SEMA3A: variants seen among roughly 807,000 people sequenced by gnomAD.
The protein encoded by SEMA3A is semaphorin 3A.
A neutral mutation model predicts 97.9 loss-of-function variants in SEMA3A; 29 were observed. That is an observed-to-expected ratio of 0.30 (90% CI 0.22 to 0.40). SEMA3A has a LOEUF of 0.40. Among genes scored for constraint, SEMA3A ranks in the 10% least tolerant of loss-of-function variants. The pLI, the probability that SEMA3A is intolerant of heterozygous loss-of-function variation, is 1.00. For missense variants in SEMA3A, 763 were observed against 951.3 expected (o/e 0.80, Z 2.60); for synonymous variants, 321 against 323.7 (o/e 0.99, Z 0.09).
chr7:84,476,636 AATAAG>A (rs1468900418), intron 1 of SEMA3A, among the ~76,000 whole-genome samples: 3 of 152,154 alleles, frequency 2.0e-5, no homozygotes, highest in Non-Finnish European at 2.9e-5. Context: ...TACCTAGAAA[AATAAG>A]ATATTAAAAT....
At chr7:84,007,624 T>C (rs964564934) in intron 9 of SEMA3A, 127 bp from the exon 10 acceptor site, 10 of 851,052 alleles carry the variant, frequency 1.2e-5, no homozygotes, top group Middle Eastern at 3.9e-4. Context: ...TTAGCAATAA[T>C]GTTTGGGATT....
At chr7:84,423,718 G>A (rs1328509540) in intron 1 of SEMA3A, among the ~76,000 whole-genome samples, 1 of 151,868 alleles carries the variant, frequency 6.6e-6, no homozygotes, top group African/African-American at 2.4e-5. Flanking sequence ...CTAGTTAGCA[G>A]AAAATGTATT....
upstream of SEMA3A, among the ~76,000 whole-genome samples, chr7:84,195,639 G>A (rs1316437080): frequency 2.6e-5 from 4 of 152,032 alleles, no homozygotes; most frequent in Non-Finnish European, 5.9e-5. Context: ...GGTCCTTTGA[G>A]AATTATAAAT....
chr7:84,450,201 A>G (rs1265829590), intron 1 of SEMA3A, among the ~76,000 whole-genome samples: 2 of 152,120 alleles, frequency 1.3e-5, no homozygotes, highest in Non-Finnish European at 2.9e-5. Flanking sequence ...AACAGAGTAC[A>G]AGGGTCCAAT....
intron 2 of SEMA3A, among the ~76,000 whole-genome samples, chr7:84,353,260 G>T (rs1802477542): frequency 6.6e-6 from 1 of 151,792 alleles, no homozygotes; most frequent in South Asian, 2.1e-4. Context: ...AGGATTGGTT[G>T]AATCCATGGA....
chr7:84,262,289 A>C (rs533615524), intron 3 of SEMA3A, among the ~76,000 whole-genome samples: 1 of 152,224 alleles, frequency 6.6e-6, no homozygotes. Context: ...AGCCTGGCTC[A>C]TTGTAACCTC....
At chr7:84,270,741 C>T (rs929900307) in intron 3 of SEMA3A, among the ~76,000 whole-genome samples, 2 of 150,668 alleles carry the variant, frequency 1.3e-5, no homozygotes, top group African/African-American at 4.9e-5. Flanking sequence ...CTCAGGAATA[C>T]ATTAGGAATA....
chr7:84,059,509 T>C (rs562496656), intron 5 of SEMA3A, among the ~76,000 whole-genome samples: 1 of 152,206 alleles, frequency 6.6e-6, no homozygotes, highest in African/African-American at 2.4e-5. Flanking sequence ...TGGAAAACTT[T>C]ATAAACTTAT....
intron 1 of SEMA3A, among the ~76,000 whole-genome samples, chr7:84,452,918 T>TTG (rs1805594182): frequency 6.6e-6 from 1 of 152,014 alleles, no homozygotes; most frequent in Non-Finnish European, 1.5e-5. Flanking sequence ...GGGCCTTTTT[T>TTG]GGGGGGGAAG....
At chr7:84,367,551 G>C (rs544816686) in intron 2 of SEMA3A, among the ~76,000 whole-genome samples, 75 of 150,796 alleles carry the variant, frequency 5.0e-4, no homozygotes, top group African/African-American at 1.8e-3. Flanking sequence ...TGGTGATCTA[G>C]TATAGCTCCA....
chr7:84,396,323 A>ACAT (rs1803730815), intron 1 of SEMA3A, among the ~76,000 whole-genome samples: 1 of 136,840 alleles, frequency 7.3e-6, no homozygotes, highest in African/African-American at 2.9e-5. Flanking sequence ...TGAACAAAAT[A>ACAT]TATTATATTA....
chr7:84,324,906 T>C (rs1289200693), intron 2 of SEMA3A, among the ~76,000 whole-genome samples: 7 of 152,120 alleles, frequency 4.6e-5, no homozygotes, highest in Non-Finnish European at 8.8e-5. Flanking sequence ...ATGTGTGGCA[T>C]TGTAGAAAAC....
intron 6 of SEMA3A, among the ~76,000 whole-genome samples, chr7:84,043,680 G>C (rs1792231819): frequency 6.6e-6 from 1 of 152,036 alleles, no homozygotes; most frequent in Admixed American, 6.6e-5. Context: ...GTGATTCAGA[G>C]TCCCTTGGTT....
upstream of SEMA3A, among the ~76,000 whole-genome samples, chr7:84,197,849 C>G (rs1798270933): frequency 6.7e-6 from 1 of 150,104 alleles, no homozygotes; most frequent in African/African-American, 2.4e-5. Flanking sequence ...AAGTAATTCT[C>G]CCGTCTCAGC....
At chr7:84,049,669 C>T (rs79159628) in intron 5 of SEMA3A, among the ~76,000 whole-genome samples, 10,405 of 151,432 alleles carry the variant, frequency 0.069, 1,202 homozygotes, top group African/African-American at 0.24. Flanking sequence ...TTCTAGGCCA[C>T]TAATGAAGTT....
chr7:84,019,261 G>A (rs539974067), intron 6 of SEMA3A, among the ~76,000 whole-genome samples: 7 of 152,218 alleles, frequency 4.6e-5, no homozygotes, highest in Non-Finnish European at 8.8e-5. Flanking sequence ...TGTTTAGTGC[G>A]TCTTTAGAGA....
At chr7:84,464,917 A>C (rs1805952210) in intron 1 of SEMA3A, among the ~76,000 whole-genome samples, 1 of 152,166 alleles carries the variant, frequency 6.6e-6, no homozygotes, top group African/African-American at 2.4e-5. Context: ...TAAAGTAGGA[A>C]GAATTGCTTC....
intron 4 of SEMA3A, among the ~76,000 whole-genome samples, chr7:84,063,898 A>C (rs1271255513): frequency 1.3e-5 from 2 of 150,708 alleles, no homozygotes; most frequent in African/African-American, 4.9e-5. Context: ...GCCAACATTG[A>C]GATTCAGGAA....
intron 1 of SEMA3A, among the ~76,000 whole-genome samples, chr7:84,173,421 T>C (rs1430069705): frequency 6.6e-6 from 1 of 151,698 alleles, no homozygotes; most frequent in Non-Finnish European, 1.5e-5. Context: ...TAGCCAGGCG[T>C]GGTGGCGCAT....
Sources: gnomAD v4.1 joint callset for allele counts (sites outside exome capture counted in the v4.1 genomes callset) on GRCh38, gnomAD v4.1.1 for gene constraint, MANE v1.5 for transcripts, NCBI Gene and HGNC (gene_info 2026-07-23, HGNC 2026-07-21) for gene names.